The following CA10 variants were observed in gnomAD, a reference collection of about 807,000 sequenced individuals.
CA10 encodes the protein carbonic anhydrase-related protein 10.
CA10 carries 14 observed loss-of-function variants against 44.2 expected under a neutral mutation model. The ratio of observed to expected loss-of-function variants is 0.32; its 90% confidence interval spans 0.21 to 0.50. CA10 has a LOEUF of 0.50. CA10 is among the 20% of genes least tolerant of loss of function. CA10 has a pLI of 0.99. For missense variants in CA10, 350 were observed against 409.7 expected (o/e 0.85, Z 1.26); for synonymous variants, 159 against 141.6 (o/e 1.12, Z -0.87).
intron 1 of CA10, among the ~76,000 whole-genome samples, chr17:52,096,396 CTGGTCT>C (rs1253833590): frequency 6.6e-6 from 1 of 152,166 alleles, no homozygotes; most frequent in Non-Finnish European, 1.5e-5. Flanking sequence ...ACTTGAACCA[CTGGTCT>C]ATCTTGTTTT....
intron 4 of CA10, among the ~76,000 whole-genome samples, chr17:51,681,815 C>T (rs1003694021): frequency 6.6e-6 from 1 of 152,136 alleles, no homozygotes; most frequent in African/African-American, 2.4e-5. Context: ...GGTAATTTCT[C>T]ATCCCTCCCC....
At chr17:51,906,430 C>T (rs1038710366) in intron 3 of CA10, among the ~76,000 whole-genome samples, 9 of 152,052 alleles carry the variant, frequency 5.9e-5, no homozygotes, top group Admixed American at 2.0e-4. Flanking sequence ...CCTTTCTCAC[C>T]GGATGTGCCA....
At chr17:52,037,414 A>G (rs141456666) in intron 2 of CA10, among the ~76,000 whole-genome samples, 1 of 152,192 alleles carries the variant, frequency 6.6e-6, no homozygotes, top group Admixed American at 6.5e-5. Context: ...GATAAAGATC[A>G]GTGAGTAACA....
intron 3 of CA10, among the ~76,000 whole-genome samples, chr17:51,849,229 G>A (rs1164363844): frequency 6.8e-4 from 19 of 27,924 alleles, no homozygotes; most frequent in Non-Finnish European, 1.1e-3. Flanking sequence ...ACATATATGT[G>A]TGTGTATATA....
intron 3 of CA10, among the ~76,000 whole-genome samples, chr17:51,922,412 C>G (rs567145746): frequency 6.6e-6 from 1 of 152,304 alleles, no homozygotes; most frequent in East Asian, 1.9e-4. Flanking sequence ...TATACATTGT[C>G]TTGCTTATCC....
intron 1 of CA10, among the ~76,000 whole-genome samples, chr17:52,134,687 T>C (rs1157711453): frequency 6.6e-6 from 1 of 152,202 alleles, no homozygotes; most frequent in Non-Finnish European, 1.5e-5. Flanking sequence ...TTATTATTTC[T>C]TTTTCTCTCC....
intron 2 of CA10, among the ~76,000 whole-genome samples, 166 bp downstream of exon 2, chr17:52,072,153 A>T (rs979398905): frequency 3.9e-5 from 6 of 152,258 alleles, no homozygotes; most frequent in African/African-American, 1.4e-4. Context: ...ATGGAAAAAA[A>T]AGTAATCTAA....
chr17:51,948,623 C>T (rs962214969), intron 2 of CA10, among the ~76,000 whole-genome samples: 1 of 152,266 alleles, frequency 6.6e-6, no homozygotes, highest in Non-Finnish European at 1.5e-5. Flanking sequence ...CTTATTCTGC[C>T]GTCCCTGAAG....
At chr17:52,154,787 A>G (rs1237082938) in intron 1 of CA10, among the ~76,000 whole-genome samples, 1 of 152,242 alleles carries the variant, frequency 6.6e-6, no homozygotes, top group African/African-American at 2.4e-5. Context: ...AATAAAAGAC[A>G]TACATGCTAC....
chr17:52,148,455 T>C (rs2143404346), intron 1 of CA10, among the ~76,000 whole-genome samples: 1 of 152,312 alleles, frequency 6.6e-6, no homozygotes, highest in South Asian at 2.1e-4. Context: ...ATAAGGATGA[T>C]TTGTCAAATG....
In CA10 at chr17:52,042,219, A is replaced by G. The variant is rs185554455; in HGVS notation, c.136+30100T>C. 2.6e-5 allele frequency among the ~76,000 whole-genome samples: 4 copies of G among 152,184 alleles called. No individual in the cohort carries two copies. The East Asian group carries it at 7.8e-4, about 30-fold the overall frequency. On this transcript the variant is annotated intron_variant, in intron 2 of 8. Coordinates refer to ENST00000451037, the MANE Select transcript of CA10 (RefSeq NM_020178.5). ...CAATTTACATTTCCATCAACGGTGT[A>G]TAAGGGTTCACTTTTCTTCTCATCC...
chr17:51,727,020 G>A (rs1916548742), intron 4 of CA10, among the ~76,000 whole-genome samples: 1 of 152,182 alleles, frequency 6.6e-6, no homozygotes, highest in Non-Finnish European at 1.5e-5. Flanking sequence ...GGTGTGTGAT[G>A]CATGTCAATT....
chr17:52,014,695 G>T (rs559698768), intron 2 of CA10, among the ~76,000 whole-genome samples: 1 of 151,380 alleles, frequency 6.6e-6, no homozygotes, highest in South Asian at 2.1e-4. Context: ...GATATTTGCT[G>T]GGCACATAAG....
intron 2 of CA10, among the ~76,000 whole-genome samples, chr17:52,053,513 A>C (rs1227116471): frequency 6.6e-6 from 1 of 152,162 alleles, no homozygotes; most frequent in Non-Finnish European, 1.5e-5. Flanking sequence ...TAAATAGAAA[A>C]AATGAAAAGT....
intron 6 of CA10, among the ~76,000 whole-genome samples, chr17:51,648,704 G>A (rs1913437276): frequency 6.6e-6 from 1 of 152,162 alleles, no homozygotes; most frequent in Non-Finnish European, 1.5e-5. Context: ...ACATCCATGG[G>A]CCACACATGT....
chr17:51,685,696 T>A (rs1447624265), intron 4 of CA10, among the ~76,000 whole-genome samples: 1 of 152,172 alleles, frequency 6.6e-6, no homozygotes, highest in Non-Finnish European at 1.5e-5. Context: ...TGAATTGGTT[T>A]GCATTACACT....
chr17:52,152,514 T>C (rs1046342337), intron 1 of CA10, among the ~76,000 whole-genome samples: 17 of 152,136 alleles, frequency 1.1e-4, no homozygotes, highest in African/African-American at 4.1e-4. Flanking sequence ...AATATACTCC[T>C]TTTCTTTCAT....
chr17:51,850,495 G>C (rs540608533), intron 3 of CA10, among the ~76,000 whole-genome samples: 1 of 152,222 alleles, frequency 6.6e-6, no homozygotes, highest in East Asian at 1.9e-4. Context: ...CTTGCAAGGG[G>C]TGAGGTCTCT....
intron 2 of CA10, among the ~76,000 whole-genome samples, chr17:51,993,503 A>G (rs779213128): frequency 1.3e-5 from 2 of 152,026 alleles, no homozygotes; most frequent in Non-Finnish European, 2.9e-5. Context: ...GTTATTTATT[A>G]GCATCCGTGT....
Sources: allele counts gnomAD v4.1 joint callset (sites outside exome capture counted in the v4.1 genomes callset), GRCh38; gene constraint gnomAD v4.1.1; transcripts MANE v1.5; gene names NCBI Gene and HGNC (gene_info 2026-07-23, HGNC 2026-07-21).